TMTC1: variants seen among roughly 807,000 people sequenced by gnomAD.
TMTC1 encodes transmembrane O-mannosyltransferase targeting cadherins 1.
TMTC1 carries 73 observed loss-of-function variants against 104.8 expected under a neutral mutation model. That is an observed-to-expected ratio of 0.70 (90% CI 0.58 to 0.85). The LOEUF (loss-of-function observed/expected upper bound fraction) is 0.85. Among genes scored for constraint, TMTC1 ranks in the 40% least tolerant of loss-of-function variants. The probability of loss-of-function intolerance (pLI) is 0.00; values close to 1 mark genes in which losing one functional copy is unlikely to be tolerated. For synonymous variants in TMTC1, 434 were observed against 428.7 expected, an observed-to-expected ratio of 1.01 and a Z score of -0.15; for missense variants, 1,035 against 1,096.1, an observed-to-expected ratio of 0.94 and a Z score of 0.79.
At chr12:29,741,756 C>T (rs558033148) in intron 5 of TMTC1, among the ~76,000 whole-genome samples, 2 of 152,316 alleles carry the variant, frequency 1.3e-5, no homozygotes, top group Non-Finnish European at 2.9e-5. Context: ...ATGCTCAAGA[C>T]ATTCTGTTCT....
At chr12:29,667,498 G>T (rs1333709016) in intron 5 of TMTC1, among the ~76,000 whole-genome samples, 1 of 152,082 alleles carries the variant, frequency 6.6e-6, no homozygotes, top group Admixed American at 6.5e-5. Context: ...AGCCATAGGA[G>T]AAAATAATTT....
At chr12:29,596,637 G>A (rs978512884) in intron 7 of TMTC1, among the ~76,000 whole-genome samples, 2 of 152,158 alleles carry the variant, frequency 1.3e-5, no homozygotes, top group African/African-American at 4.8e-5. Flanking sequence ...CAAAGCTGGT[G>A]CATTGAGCTT....
At chr12:29,716,732 C>T (rs1942092816) in intron 5 of TMTC1, among the ~76,000 whole-genome samples, 1 of 152,104 alleles carries the variant, frequency 6.6e-6, no homozygotes, top group Admixed American at 6.6e-5. Context: ...ATTCCAAGAG[C>T]TGGCCGGGCA....
At chr12:29,652,242 A>G in intron 5 of TMTC1, among the ~76,000 whole-genome samples, 1 of 152,328 alleles carries the variant, frequency 6.6e-6, no homozygotes, top group Non-Finnish European at 1.5e-5. Context: ...GGTTCTAGGG[A>G]AGCATATAAA....
intron 8 of TMTC1, among the ~76,000 whole-genome samples, chr12:29,580,794 C>T (rs549822067): frequency 1.3e-5 from 2 of 152,276 alleles, no homozygotes; most frequent in South Asian, 2.1e-4. Context: ...TAGTCACCTA[C>T]CCACCTACCT....
intron 5 of TMTC1, among the ~76,000 whole-genome samples, chr12:29,640,336 C>T (rs770066210): frequency 8.5e-5 from 12 of 141,338 alleles, no homozygotes; most frequent in African/African-American, 3.0e-4. Flanking sequence ...GACAGAGCAG[C>T]GAGGGGGGGC....
chr12:29,616,860 C>A (rs1324615322), intron 6 of TMTC1, among the ~76,000 whole-genome samples: 1 of 151,942 alleles, frequency 6.6e-6, no homozygotes, highest in Admixed American at 6.6e-5. Flanking sequence ...ATCGTTAAAC[C>A]ATATCAGTGT....
chr12:29,708,882 C>T (rs1393947941), intron 5 of TMTC1, among the ~76,000 whole-genome samples: 1 of 152,194 alleles, frequency 6.6e-6, no homozygotes, highest in African/African-American at 2.4e-5. Flanking sequence ...CAAGTCCCAA[C>T]AAAATTTCGT....
intron 5 of TMTC1, among the ~76,000 whole-genome samples, chr12:29,656,901 C>T (rs1487644846): frequency 6.6e-6 from 1 of 152,130 alleles, no homozygotes; most frequent in Non-Finnish European, 1.5e-5. Context: ...CACTTAATGC[C>T]CTTGGCCCCT....
Position 29,601,988 on chromosome 12 carries a change from A to T in TMTC1, c.1250+2190T>A, listed in dbSNP as rs35425592. 9.4e-3 allele frequency among the ~76,000 whole-genome samples: 1,418 copies of T among 151,542 alleles called. 15 individuals carry two copies. Among genetic ancestry groups the T allele is most frequent in the South Asian group, 0.036 (174 of 4,786 alleles). On this transcript the variant is annotated intron_variant, in intron 7 of 17. Coordinates refer to ENST00000539277, the MANE Select transcript of TMTC1 (RefSeq NM_001193451.2). Reference sequence around the variant, plus strand: ...GTAGCTAGGACTACAGGCGCCCGCCACCGTGCCTGGCTAATTTTTGTATTT... The same window carrying T: ...GTAGCTAGGACTACAGGCGCCCGCCTCCGTGCCTGGCTAATTTTTGTATTT...
At chr12:29,655,234 A>G (rs1591872121) in intron 5 of TMTC1, among the ~76,000 whole-genome samples, 1 of 152,156 alleles carries the variant, frequency 6.6e-6, no homozygotes, top group East Asian at 1.9e-4. Context: ...ACAGACACAG[A>G]AAGTAGACCA....
intron 5 of TMTC1, among the ~76,000 whole-genome samples, chr12:29,715,510 T>C (rs1942051061): frequency 6.6e-6 from 1 of 152,242 alleles, no homozygotes; most frequent in South Asian, 2.1e-4. Flanking sequence ...TTAATAATTA[T>C]GGGCATAAAA....
Position 29,751,769 on chromosome 12 carries a change from A to G in TMTC1, c.835T>C (p.Phe279Leu), listed in dbSNP as rs1332508928. The G allele has an allele frequency of 6.2e-7, 1 of 1,613,940 alleles. No homozygotes were observed. Among genetic ancestry groups the G allele is most frequent in the Non-Finnish European group, 8.5e-7 (1 of 1,179,998 alleles). The change falls in exon 5 of 18, where the codon TTC (phenylalanine) becomes CTC (leucine). Residue 279 changes from phenylalanine to leucine, a missense_variant. By Grantham distance (22) the Phe-to-Leu change is conservative (BLOSUM62 0). Transcript: ENST00000539277. Reference protein sequence around the residue: ...PHRENGKQQRFPHKGAWGGCH... With the variant: ...PHRENGKQQRLPHKGAWGGCH... ...CCACCCCAAGCTCCTTTGTGAGGGA[A>G]CCGCTGCTGCTTCCCATTCTCCCGG... is the stretch of plus-strand genomic sequence containing the variant.
At chr12:29,570,885 C>CAA in intron 9 of TMTC1, among the ~76,000 whole-genome samples, 1 of 90,568 alleles carries the variant, frequency 1.1e-5, no homozygotes, top group Admixed American at 1.2e-4. Context: ...AGAAACACCC[C>CAA]CCCCCCCCGC....
intron 9 of TMTC1, chr12:29,569,072 T>G (rs1945596588): frequency 2.3e-6 from 1 of 441,410 alleles, no homozygotes. Flanking sequence ...AAAAGGGTTT[T>G]GACATTTTTC....
chr12:29,565,589 G>A (rs1452639508), intron 9 of TMTC1, among the ~76,000 whole-genome samples: 3 of 152,176 alleles, frequency 2.0e-5, no homozygotes, highest in Non-Finnish European at 4.4e-5. Context: ...GCTCACGCCT[G>A]TAACCCCAGC....
intron 5 of TMTC1, among the ~76,000 whole-genome samples, chr12:29,669,504 G>T (rs140131345): frequency 1.3e-5 from 2 of 152,128 alleles, no homozygotes; most frequent in Non-Finnish European, 2.9e-5. Context: ...CAGCCTCAAG[G>T]GGGACATGGT....
At chr12:29,562,099 T>A (rs1278237787) in intron 9 of TMTC1, among the ~76,000 whole-genome samples, 1 of 152,220 alleles carries the variant, frequency 6.6e-6, no homozygotes, top group Non-Finnish European at 1.5e-5. Flanking sequence ...GAAATTTAAG[T>A]CCTCATGTGA....
intron 5 of TMTC1, among the ~76,000 whole-genome samples, chr12:29,713,921 G>C (rs1307438185): frequency 6.6e-6 from 1 of 152,068 alleles, no homozygotes; most frequent in African/African-American, 2.4e-5. Flanking sequence ...CTCATGAATG[G>C]ATTAATGCTG....
Sources: allele counts gnomAD v4.1 joint callset (sites outside exome capture counted in the v4.1 genomes callset), GRCh38; gene constraint gnomAD v4.1.1; transcripts MANE v1.5; gene names NCBI Gene and HGNC (gene_info 2026-07-23, HGNC 2026-07-21).